Variants in TAF1 observed in about 807,000 individuals in gnomAD.
TAF1 encodes the protein TATA-box binding protein associated factor 1, also known as transcription initiation factor TFIID subunit 1.
Under a neutral mutation model 138.5 loss-of-function variants are expected in TAF1, and 2 were observed. That is an observed-to-expected ratio of 0.01 (90% CI 0.01 to 0.05). TAF1 has a LOEUF of 0.05. Ranked by LOEUF, TAF1 falls within the 10% of genes least tolerant of loss-of-function variation. TAF1 has a pLI of 1.00. For synonymous variants in TAF1, 437 were observed against 503.2 expected, an observed-to-expected ratio of 0.87 and a Z score of 1.76; for missense variants, 709 against 1,478.0, an observed-to-expected ratio of 0.48 and a Z score of 8.53.
intron 13 of TAF1, among the ~76,000 whole-genome samples, chrX:71,472,026 G>C (rs1204584102): frequency 8.9e-6 from 1 of 112,289 alleles, no homozygotes; most frequent in East Asian, 2.8e-4. Context: ...GAAACTTAGA[G>C]TTTTCCTTTC....
At position 71,458,263 on chromosome X, in the gene TAF1, A is replaced by G. The variant is rs772559654; in HGVS notation, c.4961A>G (p.Asn1654Ser). ...CAGCCTCCTGATTTGTATGATACCA[A>G]CACATCCCTCAGTATGTCTCGAGAT... ...TPQPPDLYDT[N>S]TSLSMSRDAS... Residue 1654 changes from asparagine (N) to serine (S), a missense_variant, in exon 35 of 38, where the codon AAC becomes AGC. Asn to Ser is a conservative substitution (Grantham distance 46). This residue lies in a region of TAF1 where 123 missense variants were observed against 174.7 expected (regional missense o/e 0.70). Transcript: ENST00000423759. 28 of 1,210,394 alleles carry G rather than the reference A, an allele frequency of 2.3e-5. No individual in the cohort carries two copies. The highest frequency in any genetic ancestry group is 3.1e-5 in the Non-Finnish European group (28 of 895,267).
intron 36 of TAF1, 115 bp from the exon 37 acceptor site, chrX:71,460,511 G>A: frequency 1.1e-6 from 1 of 869,738 alleles, no homozygotes; most frequent in Non-Finnish European, 1.6e-6. Flanking sequence ...AGGCGTATAG[G>A]CAAGATACCT....
At chrX:71,396,987 T>G (rs1411731554) in intron 22 of TAF1, among the ~76,000 whole-genome samples, 1 of 95,643 alleles carries the variant, frequency 1.0e-5, no homozygotes, top group Admixed American at 1.2e-4. Context: ...ATTGCACCAC[T>G]GTACTCCAGC....
At chrX:71,467,086 C>CTT (rs756449044), downstream of TAF1, among the ~76,000 whole-genome samples, 347 of 65,296 alleles carry the variant, frequency 5.3e-3, 5 homozygotes, top group African/African-American at 0.017. Flanking sequence ...GGAGGGCATT[C>CTT]TTTTTTTTTT....
intron 13 of TAF1, among the ~76,000 whole-genome samples, chrX:71,518,280 G>A (rs1475930918): frequency 9.0e-6 from 1 of 111,279 alleles, no homozygotes; most frequent in Admixed American, 9.6e-5. Flanking sequence ...AGCCTCTCCC[G>A]CCTCAGCCTC....
chrX:71,418,260 A>G (rs1335808447), intron 28 of TAF1, among the ~76,000 whole-genome samples: 1 of 110,838 alleles, frequency 9.0e-6, no homozygotes, highest in Non-Finnish European at 1.9e-5. Context: ...CATCCAGCTA[A>G]TTTTTGAATT....
intron 13 of TAF1, chrX:71,528,238 T>G (rs1026393879): frequency 4.3e-6 from 1 of 231,828 alleles, no homozygotes; most frequent in Non-Finnish European, 8.0e-6. Flanking sequence ...TTCTTCTGCC[T>G]GTCAGTGTAT....
At chrX:71,472,470 C>T (rs970228617) in intron 13 of TAF1, among the ~76,000 whole-genome samples, 1 of 111,787 alleles carries the variant, frequency 8.9e-6, no homozygotes, top group Non-Finnish European at 1.9e-5. Flanking sequence ...TGGTGGCTCA[C>T]GCCTGTAATC....
chrX:71,409,759 C>T (rs1486317987), intron 28 of TAF1, among the ~76,000 whole-genome samples: 2 of 111,655 alleles, frequency 1.8e-5, no homozygotes, highest in Non-Finnish European at 3.8e-5. Context: ...TCGACCCCTG[C>T]CACACTCAGC....
At chrX:71,509,112 G>T (rs1439761495) in intron 13 of TAF1, among the ~76,000 whole-genome samples, 2 of 111,001 alleles carry the variant, frequency 1.8e-5, no homozygotes, top group African/African-American at 6.6e-5. Context: ...CCGGTCAAGT[G>T]GTTCCATCTT....
At chrX:71,445,983 T>C (rs2037677583) in intron 32 of TAF1, among the ~76,000 whole-genome samples, 1 of 107,622 alleles carries the variant, frequency 9.3e-6, no homozygotes, top group South Asian at 4.2e-4. Context: ...TGATCTCGGC[T>C]CACTGTAACC....
chrX:71,482,799 A>G (rs2039093988), intron 13 of TAF1, among the ~76,000 whole-genome samples: 2 of 112,372 alleles, frequency 1.8e-5, no homozygotes, highest in South Asian at 3.7e-4. Flanking sequence ...ATTTCTCTGT[A>G]GCATGTGATG....
intron 32 of TAF1, among the ~76,000 whole-genome samples, chrX:71,434,023 CGTT>C (rs776689522): frequency 1.8e-5 from 2 of 111,903 alleles, no homozygotes; most frequent in African/African-American, 3.2e-5. Context: ...CTGTTTAAAA[CGTT>C]GTTGGTTCAG....
At position 71,464,239 on chromosome X, in the gene TAF1, C is replaced by T. The variant is rs941422887; in HGVS notation, c.*193C>T. The T allele has an allele frequency of 3.2e-5, 14 of 437,776 alleles. No homozygotes were observed. Among genetic ancestry groups the T allele is most frequent in the Non-Finnish European group, 4.6e-5 (12 of 259,441 alleles). 36.1% of individuals were successfully genotyped at this position (437,776 alleles called of 1,213,427 possible). A position where few individuals can be genotyped will look rare whatever the true frequency, so the allele number is the denominator to read the frequency against. ...CTAATCTTCCTGGGGCAATGTCACC[C>T]TTTGATTTAAAACAAAGCAACCCCC... is the stretch of plus-strand genomic sequence containing the variant. On this transcript the variant is annotated 3_prime_UTR_variant, in exon 38 of 38. Coordinates refer to ENST00000423759, the MANE Select transcript of TAF1 (RefSeq NM_004606.5).
intron 13 of TAF1, among the ~76,000 whole-genome samples, chrX:71,487,515 G>A (rs1314298729): frequency 9.2e-6 from 1 of 109,283 alleles, no homozygotes; most frequent in East Asian, 2.9e-4. Context: ...GTAGAGACCA[G>A]TTTCACCATC....
intron 4 of TAF1, among the ~76,000 whole-genome samples, chrX:71,375,756 C>T (rs1245618306): frequency 8.9e-6 from 1 of 112,237 alleles, no homozygotes; most frequent in African/African-American, 3.2e-5. Flanking sequence ...CCTCAGCCTC[C>T]AGAGTAGGGG....
At chrX:71,436,623 A>T (rs2037160789) in intron 32 of TAF1, among the ~76,000 whole-genome samples, 1 of 111,278 alleles carries the variant, frequency 9.0e-6, no homozygotes, top group South Asian at 3.8e-4. Context: ...CTGGGATTAC[A>T]GGCATAAGCC....
intron 4 of TAF1, among the ~76,000 whole-genome samples, chrX:71,376,286 A>T (rs758062364): frequency 8.9e-6 from 1 of 111,982 alleles, no homozygotes; most frequent in Non-Finnish European, 1.9e-5. Flanking sequence ...TCTCCAGCTC[A>T]TGAGTCTCTG....
chrX:71,383,283 G>T lies in TAF1; in HGVS notation c.1947+119G>T, dbSNP rs113640210. ...GTTATTTTCTCAGATGTGATAGAATGTTATTTTGGTTATTTAGGAGAATGT... is the reference window on the plus strand; with the variant it reads ...GTTATTTTCTCAGATGTGATAGAATTTTATTTTGGTTATTTAGGAGAATGT... On this transcript the variant is annotated intron_variant, in intron 12 of 37. Transcript: ENST00000423759. The T allele has an allele frequency of 1.5e-4, 121 of 814,867 alleles. 1 individual carries two copies. In the Middle Eastern group the frequency reaches 3.9e-3, roughly 26 times the overall value. 67.2% of individuals were successfully genotyped at this position (814,867 alleles called of 1,213,427 possible). A position where few individuals can be genotyped will look rare whatever the true frequency, so the allele number is the denominator to read the frequency against.
Sources: allele counts gnomAD v4.1 joint callset (sites outside exome capture counted in the v4.1 genomes callset), GRCh38; gene constraint gnomAD v4.1.1; regional missense constraint gnomAD v4.1.1; transcripts MANE v1.5; gene names NCBI Gene and HGNC (gene_info 2026-07-23, HGNC 2026-07-21).